The following CLCF1 variants were observed in gnomAD, a reference collection of about 807,000 sequenced individuals.
CLCF1 encodes the protein cardiotrophin-like cytokine factor 1.
In CLCF1, 10 loss-of-function variants were observed where a neutral mutation model predicts 21.2. The ratio of observed to expected loss-of-function variants is 0.47; its 90% CI spans 0.29 to 0.80. The LOEUF (loss-of-function observed/expected upper bound fraction) is 0.80. CLCF1 is among the 30% of genes least tolerant of loss of function. The probability of loss-of-function intolerance (pLI) is 0.09; values close to 1 mark genes in which losing one functional copy is unlikely to be tolerated. For missense variants in CLCF1, 240 were observed against 293.4 expected, an observed-to-expected ratio of 0.82 and a Z score of 1.33; for synonymous variants, 115 against 120.5, an observed-to-expected ratio of 0.95 and a Z score of 0.30.
intron 1 of CLCF1, among the ~76,000 whole-genome samples, chr11:67,371,273 C>T (rs2134896859): frequency 6.6e-6 from 1 of 152,340 alleles, no homozygotes; most frequent in African/African-American, 2.4e-5. Flanking sequence ...TGAGAAGTAG[C>T]TTGGTGAGTG....
In CLCF1 at chr11:67,365,756, G is replaced by C; in HGVS notation, c.184-126C>G. The C allele has an allele frequency of 7.2e-7, 1 of 1,395,068 alleles. No homozygotes were observed. The allele number at this position is 1,395,068 out of a possible 1,614,324, so 86.4% of individuals were successfully genotyped here. ...GACACTGGCCCTGTCTCCATGCTAG[G>C]CTTCTTTGTTCATGGCCTCCCTGAG... On this transcript the variant is annotated intron_variant, in intron 2 of 2. Transcript: ENST00000312438. The surrounding 1 kb of genome is among the most constrained non-coding windows in gnomAD (Gnocchi z 5.0).
Position 67,367,580 on chromosome 11 carries a change from G to T in CLCF1, c.63C>A (p.His21Gln), listed in dbSNP as rs765259754. 1.2e-6 allele frequency: 2 copies of T among 1,613,922 alleles called. No individual in the cohort carries two copies. Among genetic ancestry groups the T allele is most frequent in the East Asian group, 4.5e-5 (2 of 44,838 alleles). ...MLACLCTVLW[H>Q]LPAVPALNRT... ...GATTGAGAGCTGGCACTGCAGGGAG[G>T]TGCCAGAGCACCGTGCACAGGCACG... Residue 21 changes from histidine to glutamine, a missense_variant, in exon 2 of 3, where the codon CAC becomes CAA. Transcript: ENST00000312438.
At chr11:67,373,825 TC>T, upstream of CLCF1, 1 of 847,370 alleles carries the variant, frequency 1.2e-6, no homozygotes, top group Non-Finnish European at 1.4e-6. Flanking sequence ...GGGCTCCCTC[TC>T]CCTCCCACAG....
At chr11:67,373,495 G>A in intron 1 of CLCF1, 29 bp downstream of exon 1, 2 of 1,208,990 alleles carry the variant, frequency 1.7e-6, no homozygotes, top group Non-Finnish European at 2.3e-6. Flanking sequence ...GCGGGGCGGG[G>A]GTCGGGGCCT....
chr11:67,365,955 C>T lies in CLCF1; in HGVS notation c.184-325G>A, dbSNP rs1444862570. 2.0e-5 allele frequency among the ~76,000 whole-genome samples: 3 copies of T among 152,034 alleles called. No individual in the cohort carries two copies. The highest frequency in any genetic ancestry group is 7.2e-5 in the African/African-American group (3 of 41,382). On this transcript the variant is annotated intron_variant, in intron 2 of 2. Coordinates refer to ENST00000312438, the MANE Select transcript of CLCF1 (RefSeq NM_013246.3). This position sits in a 1 kb window ranked among gnomAD's most constrained non-coding sequence, Gnocchi z 5.0. ...CTTGGGAGAGTGCCCGCTGTGGGGGCAGGACAGAGAGGAAGAGGAGCCTGG... is the reference window on the plus strand; with the variant it reads ...CTTGGGAGAGTGCCCGCTGTGGGGGTAGGACAGAGAGGAAGAGGAGCCTGG...
At position 67,367,573 on chromosome 11, in the gene CLCF1, C is replaced by G; in HGVS notation, c.70G>C (p.Ala24Pro). ...CLCTVLWHLP[A>P]VPALNRTGDP... ...CCTGTGCGATTGAGAGCTGGCACTG[C>G]AGGGAGGTGCCAGAGCACCGTGCAC... The change falls in exon 2 of 3, where the codon GCA (alanine) becomes CCA (proline). Residue 24 changes from alanine to proline, a missense_variant. Transcript: ENST00000312438. The G allele has an allele frequency of 4.3e-6, 7 of 1,613,938 alleles. No homozygotes were observed. The highest frequency in any genetic ancestry group is 5.9e-6 in the Non-Finnish European group (7 of 1,179,954).
intron 1 of CLCF1, chr11:67,369,927 A>G (rs1590916431): frequency 2.5e-6 from 2 of 814,952 alleles, no homozygotes; most frequent in Non-Finnish European, 2.7e-6. Flanking sequence ...ATCTGGGCAG[A>G]AAAAAACGGC....
Position 67,365,634 on chromosome 11 carries a change from T to C in CLCF1, c.184-4A>G, listed in dbSNP as rs1480180676. The stretch of plus-strand genomic sequence containing the variant: ...AAGGGGGGCCCAGGTAGTTCAGCTG[T>C]GAAAAGGAGAGGGTGATGGGGAAGG... On this transcript the variant is annotated splice_region_variant and splice_polypyrimidine_tract_variant and intron_variant, in intron 2 of 2. Transcript: ENST00000312438. The surrounding 1 kb of genome is among the most constrained non-coding windows in gnomAD (Gnocchi z 5.0). 7 of 1,603,718 alleles carry C rather than the reference T, an allele frequency of 4.4e-6. No homozygotes were observed. The highest frequency in any genetic ancestry group is 6.0e-6 in the Non-Finnish European group (7 of 1,172,558).
rs1274354100 is a variant in CLCF1 at position 67,364,966 on chromosome 11, G to C, written c.*170C>G. ...TCCTCCCCAGCTCGGTAGACCTTTG[G>C]GAGGTGGGGAGGAGACAGGGCTGAT... On this transcript the variant is annotated 3_prime_UTR_variant, in exon 3 of 3. Transcript: ENST00000312438. 7 of 1,048,170 alleles carry C rather than the reference G, an allele frequency of 6.7e-6. No homozygotes were observed. In the African/African-American group the frequency reaches 8.0e-5, roughly 12 times the overall value. 64.9% of individuals were successfully genotyped at this position (1,048,170 alleles called of 1,614,324 possible).
At chr11:67,370,617 C>G (rs867722097) in intron 1 of CLCF1, 3 of 968,918 alleles carry the variant, frequency 3.1e-6, no homozygotes, top group Middle Eastern at 5.2e-4. Context: ...CATGAACACA[C>G]ACACACACAC....
rs1862084946 is a variant in CLCF1 at position 67,365,886 on chromosome 11, C to G, written c.184-256G>C. On this transcript the variant is annotated intron_variant, in intron 2 of 2. Transcript: ENST00000312438. The surrounding 1 kb of genome is among the most constrained non-coding windows in gnomAD (Gnocchi z 5.0). ...AGAAAAAGGAGGAGGAGGAGACGCACAAGACGCTCAGGAAGGACGTGCTGA... is the reference window on the plus strand; with the variant it reads ...AGAAAAAGGAGGAGGAGGAGACGCAGAAGACGCTCAGGAAGGACGTGCTGA... 6.6e-6 allele frequency among the ~76,000 whole-genome samples: 1 copy of G among 152,148 alleles called. No individual in the cohort carries two copies. Among genetic ancestry groups the G allele is most frequent in the Non-Finnish European group, 1.5e-5 (1 of 68,036 alleles).
chr11:67,373,783 A>C, upstream of CLCF1: 21 of 439,910 alleles, frequency 4.8e-5, no homozygotes, highest in Non-Finnish European at 5.7e-5. Flanking sequence ...GGGTGGGGGT[A>C]GGAGGGGGGA....
intron 2 of CLCF1, among the ~76,000 whole-genome samples, chr11:67,366,453 G>C (rs901860989): frequency 7.2e-5 from 11 of 152,316 alleles, no homozygotes; most frequent in Admixed American, 7.2e-4. Flanking sequence ...GAAGGGTTCA[G>C]CTGATAGGAG....
In CLCF1 at chr11:67,364,234, ATAAC is replaced by A. The variant is rs1862053732; in HGVS notation, c.*898_*901del. On this transcript the variant is annotated 3_prime_UTR_variant, in exon 3 of 3. Coordinates refer to ENST00000312438, the MANE Select transcript of CLCF1 (RefSeq NM_013246.3). ...TTCTGCAATAAATATCATCTAATAA[ATAAC>A]ATCTCCAAATAAATAAATATTAATA... 6.6e-6 allele frequency: 1 copy of A among 152,620 alleles called. No homozygotes were observed. The highest frequency in any genetic ancestry group is 2.4e-5 in the African/African-American group (1 of 41,438). The allele number at this position is 152,620 out of a possible 1,614,324, so 9.5% of individuals were successfully genotyped here. A position where few individuals can be genotyped will look rare whatever the true frequency, so the allele number is the denominator to read the frequency against.
chr11:67,365,443 G>A lies in CLCF1; in HGVS notation c.371C>T (p.Ala124Val). The change falls in exon 3 of 3, where the codon GCT becomes GTT. Residue 124 changes from alanine (A) to valine (V), a missense_variant. By Grantham distance (64) the Ala-to-Val change is moderately conservative. Coordinates refer to ENST00000312438, the MANE Select transcript of CLCF1 (RefSeq NM_013246.3). The surrounding 1 kb of genome is among the most constrained non-coding windows in gnomAD (Gnocchi z 5.0). ...LCYLRGLNRQ[A>V]ATAELRRSLA... ...GCTGCGGCGCAGCTCAGCAGTGGCA[G>A]CCTGACGGTTGAGGCCACGCAAGTA... 1 of 1,613,858 alleles carries A rather than the reference G, an allele frequency of 6.2e-7. No individual in the cohort carries two copies. The highest frequency in any genetic ancestry group is 1.1e-5 in the South Asian group (1 of 91,084).
rs763939968 is a variant in CLCF1 at position 67,373,506 on chromosome 11, C to G, written c.16+18G>C. The G allele has an allele frequency of 2.2e-6, 3 of 1,358,330 alleles. No homozygotes were observed. The highest frequency in any genetic ancestry group is 2.9e-6 in the Non-Finnish European group (3 of 1,021,684). 84.1% of individuals were successfully genotyped at this position (1,358,330 alleles called of 1,614,324 possible). ...CTTGGCGGGGCGGGGGTCGGGGCCT[C>G]GGCCGCCTGGCTCCTACCTGCTCGG... On this transcript the variant is annotated intron_variant, in intron 1 of 2. Transcript: ENST00000312438.
chr11:67,370,467 T>A (rs12790741), intron 1 of CLCF1: 7 of 978,896 alleles, frequency 7.2e-6, no homozygotes, highest in Non-Finnish European at 8.4e-6. Context: ...TTACATCCCG[T>A]CTTCTCTGTG....
At chr11:67,366,196 G>A (rs1028804664) in intron 2 of CLCF1, among the ~76,000 whole-genome samples, 1 of 152,230 alleles carries the variant, frequency 6.6e-6, no homozygotes, top group Non-Finnish European at 1.5e-5. Context: ...TAAGAAGTGA[G>A]TGGGTGGAGA....
intron 1 of CLCF1, among the ~76,000 whole-genome samples, chr11:67,373,254 G>A (rs1213068513): frequency 1.3e-5 from 2 of 151,650 alleles, no homozygotes; most frequent in East Asian, 3.9e-4. Flanking sequence ...CCGCCTCGCT[G>A]GGGCTCCAGG....
Sources: allele counts gnomAD v4.1 joint callset (sites outside exome capture counted in the v4.1 genomes callset), GRCh38; gene constraint gnomAD v4.1.1; non-coding constraint Gnocchi (gnomAD v3.1); transcripts MANE v1.5; gene names NCBI Gene and HGNC (gene_info 2026-07-23, HGNC 2026-07-21).